Variants in TMEM132E observed in about 807,000 individuals in gnomAD.
The protein encoded by TMEM132E is transmembrane protein 132E.
A neutral mutation model predicts 78.5 loss-of-function variants in TMEM132E; 49 were observed. That is an observed-to-expected ratio of 0.62 (90% CI 0.50 to 0.79). The LOEUF is 0.79. Ranked by LOEUF, TMEM132E falls within the 30% of genes least tolerant of loss-of-function variation. The pLI, the probability that TMEM132E is intolerant of heterozygous loss-of-function variation, is 0.00. For synonymous variants in TMEM132E, 715 were observed against 670.6 expected, an observed-to-expected ratio of 1.07 and a Z score of -1.02; for missense variants, 1,403 against 1,470.9, an observed-to-expected ratio of 0.95 and a Z score of 0.75.
chr17:34,635,829 TCTGGACA>T, intron 7 of TMEM132E, 171 bp from the exon 8 acceptor site: 1 of 513,714 alleles, frequency 1.9e-6, no homozygotes, highest in Non-Finnish European at 3.1e-6. Context: ...TCTCATGACC[TCTGGACA>T]CTGGTTCCTG....
At chr17:34,627,475 T>TGTGCGCACGCGCGCGCGCGC (rs1907196633) in intron 2 of TMEM132E, among the ~76,000 whole-genome samples, 1 of 141,350 alleles carries the variant, frequency 7.1e-6, no homozygotes, top group Admixed American at 6.9e-5. Flanking sequence ...ATCGTGTGTG[T>TGTGCGCACGCGCGCGCGCGC]GTGTGTGTGT....
chr17:34,580,663 A>C lies in TMEM132E; in HGVS notation c.-414A>C. ...ACTACCGAAACCGAGGAAACTGGGGATTGCGTTGGAAGTCGGCACCCTCGA... is the reference window on the plus strand; with the variant it reads ...ACTACCGAAACCGAGGAAACTGGGGCTTGCGTTGGAAGTCGGCACCCTCGA... On this transcript the variant is annotated 5_prime_UTR_variant, in exon 1 of 9. Coordinates refer to ENST00000631683, the MANE Select transcript of TMEM132E (RefSeq NM_001304438.2). The C allele has an allele frequency of 5.6e-6, 1 of 180,030 alleles. No individual in the cohort carries two copies. The highest frequency in any genetic ancestry group is 1.4e-4 in the East Asian group (1 of 7,184). The allele number at this position is 180,030 out of a possible 1,614,324, so 11.2% of individuals were successfully genotyped here. A position where few individuals can be genotyped will look rare whatever the true frequency, so the allele number is the denominator to read the frequency against.
intron 5 of TMEM132E, among the ~76,000 whole-genome samples, chr17:34,632,005 G>A (rs1030100327): frequency 1.3e-5 from 2 of 152,186 alleles, no homozygotes; most frequent in Admixed American, 1.3e-4. Context: ...TTCCATCCAG[G>A]GAACCTCTAG....
intron 1 of TMEM132E, among the ~76,000 whole-genome samples, chr17:34,616,953 TTTTAACCTC>T (rs1906801950): frequency 6.6e-6 from 1 of 152,068 alleles, no homozygotes; most frequent in Non-Finnish European, 1.5e-5. Context: ...CGGGGCTGGG[TTTTAACCTC>T]TGTTTGCTCC....
intron 1 of TMEM132E, among the ~76,000 whole-genome samples, chr17:34,599,775 G>T (rs1243825874): frequency 6.6e-6 from 1 of 152,314 alleles, no homozygotes; most frequent in African/African-American, 2.4e-5. Flanking sequence ...GGGAAATCAA[G>T]CCTGAGCCTC....
chr17:34,589,105 CA>C (rs1459136598), intron 1 of TMEM132E, among the ~76,000 whole-genome samples: 1 of 152,140 alleles, frequency 6.6e-6, no homozygotes, highest in African/African-American at 2.4e-5. Context: ...GTGTGTATGT[CA>C]GGGGAGGGAT....
Position 34,626,466 on chromosome 17 carries a change from C to A in TMEM132E, c.407C>A (p.Pro136His), listed in dbSNP as rs1193739396. ...GCCTTCATCGTCCGCTCGCACGTGC[C>A]CGCCTCGCAGCCCGTGGTCCAGGTG... is the stretch of plus-strand genomic sequence containing the variant. ...VRAFIVRSHVPASQPVVQVLF... is the reference protein window; with the variant it reads ...VRAFIVRSHVHASQPVVQVLF... The change falls in exon 2 of 9, where the codon CCC becomes CAC. Residue 136 changes from proline (P) to histidine (H), a missense_variant. By Grantham distance (77) the Pro-to-His change is moderately conservative. Coordinates refer to ENST00000631683, the MANE Select transcript of TMEM132E (RefSeq NM_001304438.2). 4 of 1,612,856 alleles carry A rather than the reference C, an allele frequency of 2.5e-6. No homozygotes were observed. The highest frequency in any genetic ancestry group is 3.4e-6 in the Non-Finnish European group (4 of 1,179,832).
In TMEM132E at chr17:34,632,843, T is replaced by C. The variant is rs1907398009; in HGVS notation, c.1622T>C (p.Ile541Thr). ...TGGGTCCCCAAGCTGCCCTTGCACATTGAGCTCTCAGATGCCCGCCTCAGC... is the reference window on the plus strand; with the variant it reads ...TGGGTCCCCAAGCTGCCCTTGCACACTGAGCTCTCAGATGCCCGCCTCAGC... ...TVWVPKLPLHIELSDARLSQV... is the reference protein window; with the variant it reads ...TVWVPKLPLHTELSDARLSQV... The change falls in exon 6 of 9, where the codon ATT becomes ACT. Residue 541 changes from isoleucine to threonine, a missense_variant. Ile to Thr is a moderately conservative substitution (Grantham distance 89). Coordinates refer to ENST00000631683, the MANE Select transcript of TMEM132E (RefSeq NM_001304438.2). The C allele has an allele frequency of 1.2e-6, 2 of 1,614,172 alleles. No homozygotes were observed. Among genetic ancestry groups the C allele is most frequent in the Non-Finnish European group, 8.5e-7 (1 of 1,180,024 alleles).
At position 34,638,866 on chromosome 17, in the gene TMEM132E, C is replaced by A. The variant is rs1418080728; in HGVS notation, c.*634C>A. On this transcript the variant is annotated 3_prime_UTR_variant, in exon 9 of 9. Transcript: ENST00000631683. ...CAGAGAGGTCTGGTGCCAAGCCAGGCACCTTCCTGAGTTCTCAGGACTCCC... is the reference window on the plus strand; with the variant it reads ...CAGAGAGGTCTGGTGCCAAGCCAGGAACCTTCCTGAGTTCTCAGGACTCCC... 6.6e-6 allele frequency: 1 copy of A among 152,446 alleles called. No individual in the cohort carries two copies. The highest frequency in any genetic ancestry group is 2.4e-5 in the African/African-American group (1 of 41,344). The allele number at this position is 152,446 out of a possible 1,614,324, so 9.4% of individuals were successfully genotyped here.
At chr17:34,583,340 T>C (rs1905559364) in intron 1 of TMEM132E, among the ~76,000 whole-genome samples, 4 of 152,256 alleles carry the variant, frequency 2.6e-5, no homozygotes, top group Admixed American at 2.6e-4. Context: ...AACTCTCTTC[T>C]CCATCGCATG....
intron 1 of TMEM132E, among the ~76,000 whole-genome samples, chr17:34,600,218 A>G (rs369485657): frequency 5.5e-4 from 84 of 152,342 alleles, no homozygotes; most frequent in South Asian, 1.7e-3. Flanking sequence ...TAGATGCTCA[A>G]TAAATATTGA....
intron 1 of TMEM132E, among the ~76,000 whole-genome samples, chr17:34,616,236 G>T (rs915865223): frequency 3.9e-5 from 6 of 152,140 alleles, no homozygotes; most frequent in Non-Finnish European, 7.4e-5. Context: ...CAAAGTGGAG[G>T]AGGGGCGCCC....
intron 8 of TMEM132E, 98 bp downstream of exon 8, chr17:34,636,296 G>A (rs1907521069): frequency 2.5e-6 from 3 of 1,203,108 alleles, no homozygotes; most frequent in East Asian, 3.2e-5. Flanking sequence ...CCCATATTAG[G>A]GCTTTAGGAA....
At chr17:34,597,901 A>G (rs962122442) in intron 1 of TMEM132E, among the ~76,000 whole-genome samples, 4 of 152,192 alleles carry the variant, frequency 2.6e-5, no homozygotes, top group Non-Finnish European at 2.9e-5. Context: ...CTCAGCCCCT[A>G]AAGTGATGGT....
Position 34,580,901 on chromosome 17 carries a change from G to T in TMEM132E, c.-176G>T, listed in dbSNP as rs542533953. The T allele has an allele frequency of 4.5e-5, 21 of 468,544 alleles. No individual in the cohort carries two copies. In the South Asian group the frequency reaches 6.7e-4, roughly 15 times the overall value. 29.0% of individuals were successfully genotyped at this position (468,544 alleles called of 1,614,324 possible). ...CGGCTCCGAGGGTGTAGCCGCCAGCGCCTGGGACGCCCCCTCCCCGCAAAG... is the reference window on the plus strand; with the variant it reads ...CGGCTCCGAGGGTGTAGCCGCCAGCTCCTGGGACGCCCCCTCCCCGCAAAG... On this transcript the variant is annotated 5_prime_UTR_variant, in exon 1 of 9. Coordinates refer to ENST00000631683, the MANE Select transcript of TMEM132E (RefSeq NM_001304438.2).
chr17:34,588,108 G>T (rs1023717969), intron 1 of TMEM132E, among the ~76,000 whole-genome samples: 1 of 152,212 alleles, frequency 6.6e-6, no homozygotes, highest in South Asian at 2.1e-4. Context: ...GCTTCTTTCA[G>T]TCCCTCGAAT....
rs60612426 is a variant in TMEM132E, at chr17:34,591,307, A to ATTTT, written c.67+10174_67+10177dup. Among the ~76,000 whole-genome samples the ATTTT allele has an allele frequency of 4.4e-3, 646 of 146,644 alleles. 3 individuals carry two copies. The highest frequency in any genetic ancestry group is 0.011 in the African/African-American group (448 of 39,722). ...AGAGAGAGATGGGATCTCCCTCACT[A>ATTTT]TTTTTTTTTTTTTGAAAGACAAAGT... On this transcript the variant is annotated intron_variant, in intron 1 of 8. Transcript: ENST00000631683.
At chr17:34,618,917 C>G (rs575945375) in intron 1 of TMEM132E, among the ~76,000 whole-genome samples, 29 of 152,202 alleles carry the variant, frequency 1.9e-4, no homozygotes, top group Admixed American at 1.1e-3. Context: ...GAAGAGCAGG[C>G]CTGGAACCCA....
Position 34,638,022 on chromosome 17 carries a change from G to T in TMEM132E, c.3015G>T (p.Ser1005=). The T allele has an allele frequency of 3.8e-6, 6 of 1,576,342 alleles. No homozygotes were observed. Among genetic ancestry groups the T allele is most frequent in the Non-Finnish European group, 5.2e-6 (6 of 1,161,094 alleles). The change falls in exon 9 of 9, where the codon TCG becomes TCT. Residue 1005 remains serine (S), a synonymous_variant. Coordinates refer to ENST00000631683, the MANE Select transcript of TMEM132E (RefSeq NM_001304438.2). ...ACCAAGCCGAGGACCCCGCCAGCTC[G>T]CCCACCTCCAAGCGCAAGCGGGTCA... ...ARDQAEDPAS[S]PTSKRKRVKF... is the part of the protein sequence containing the mutation.
Sources: gnomAD v4.1 joint callset for allele counts (sites outside exome capture counted in the v4.1 genomes callset) on GRCh38, gnomAD v4.1.1 for gene constraint, MANE v1.5 for transcripts, NCBI Gene and HGNC (gene_info 2026-07-23, HGNC 2026-07-21) for gene names.